The following XRRA1 variants were observed in gnomAD, a reference collection of about 807,000 sequenced individuals.
The protein encoded by XRRA1 is X-ray radiation resistance-associated protein 1.
XRRA1 carries 69 observed loss-of-function variants against 80.2 expected under a neutral mutation model. The observed-to-expected ratio is 0.86, with a 90% CI of 0.71 to 1.05. The LOEUF is 1.05. Among genes scored for constraint, XRRA1 ranks in the 50% least tolerant of loss-of-function variants. The probability of loss-of-function intolerance (pLI) is 0.00; values close to 1 mark genes in which losing one functional copy is unlikely to be tolerated. For missense variants in XRRA1, 967 were observed against 976.4 expected (o/e 0.99, Z 0.13); for synonymous variants, 348 against 389.9 (o/e 0.89, Z 1.27).
intron 10 of XRRA1, among the ~76,000 whole-genome samples, chr11:74,865,165 C>T (rs2043129245): frequency 6.6e-6 from 1 of 151,950 alleles, no homozygotes; most frequent in Non-Finnish European, 1.5e-5. Context: ...AGTGTCAGCC[C>T]TGGCCCCTCC....
intron 6 of XRRA1, among the ~76,000 whole-genome samples, chr11:74,929,052 C>G (rs2139317912): frequency 6.6e-6 from 1 of 152,288 alleles, no homozygotes; most frequent in African/African-American, 2.4e-5. Context: ...ATTTCCAGCC[C>G]AAGCTCCTGA....
rs1198851086 is a variant in XRRA1 at position 74,933,810 on chromosome 11, C to CTGAA, written c.341_342insTTCA (p.Lys114AsnfsTer10). The CTGAA allele has an allele frequency of 6.3e-7, 1 of 1,594,986 alleles. No individual in the cohort carries two copies. The highest frequency in any genetic ancestry group is 8.5e-7 in the Non-Finnish European group (1 of 1,170,364). On this transcript the variant is annotated frameshift_variant, in exon 5 of 19. Transcript: ENST00000684022. LOFTEE classifies it high-confidence loss of function. Reference sequence around the variant, plus strand: ...TGCTGGCTGACCTCACCTTGGAGAACTTCAGGCCACTCACATTAATGGTGC... The same window carrying CTGAA: ...TGCTGGCTGACCTCACCTTGGAGAACTGAATTCAGGCCACTCACATTAATGGTGC...
Position 74,845,222 on chromosome 11 carries a change from T to A in XRRA1, c.1778A>T (p.Lys593Met), listed in dbSNP as rs545255079. 2.5e-6 allele frequency: 4 copies of A among 1,614,004 alleles called. No homozygotes were observed. The South Asian group carries it at 4.4e-5, about 18-fold the overall frequency. ...TGGTGGTTTCTTTTGGTCTTTCTCC[T>A]TTAACTCTAAATCATCCTTATGGAT... ...SVIHKDDLEL[K>M]EKDQKKPPTA... The change falls in exon 16 of 19, where the codon AAG (lysine) becomes ATG (methionine). Residue 593 changes from lysine (K) to methionine (M), a missense_variant. Coordinates refer to ENST00000684022, the MANE Select transcript of XRRA1 (RefSeq NM_001378157.1).
chr11:74,935,549 C>A (rs1171408817), intron 4 of XRRA1, among the ~76,000 whole-genome samples: 1 of 152,122 alleles, frequency 6.6e-6, no homozygotes, highest in Admixed American at 6.6e-5. Context: ...TGTAAAAGTG[C>A]CAGGACTTGG....
intron 13 of XRRA1, among the ~76,000 whole-genome samples, chr11:74,851,445 A>G (rs2039828033): frequency 6.6e-6 from 1 of 152,164 alleles, no homozygotes; most frequent in Non-Finnish European, 1.5e-5. Flanking sequence ...TAATAAAGAT[A>G]GTGTGGAGTG....
At chr11:74,921,528 T>C (rs1940794724) in intron 7 of XRRA1, among the ~76,000 whole-genome samples, 181 bp from the exon 8 acceptor site, 1 of 152,202 alleles carries the variant, frequency 6.6e-6, no homozygotes, top group Admixed American at 6.5e-5. Context: ...CTAGCCTTAG[T>C]TGCCACTACA....
At chr11:74,857,924 T>A (rs757546617) in intron 12 of XRRA1, among the ~76,000 whole-genome samples, 2 of 151,946 alleles carry the variant, frequency 1.3e-5, no homozygotes, top group African/African-American at 4.8e-5. Flanking sequence ...AAAAAGAAAA[T>A]ATATTACAAT....
At chr11:74,880,770 T>C (rs977635910) in intron 10 of XRRA1, among the ~76,000 whole-genome samples, 3 of 151,362 alleles carry the variant, frequency 2.0e-5, no homozygotes, top group African/African-American at 7.3e-5. Flanking sequence ...AGTTGAGCGG[T>C]TTTGAGTGAG....
At chr11:74,929,077 T>G (rs1942922259) in intron 6 of XRRA1, among the ~76,000 whole-genome samples, 2 of 152,180 alleles carry the variant, frequency 1.3e-5, no homozygotes, top group Admixed American at 1.3e-4. Context: ...CCACCCTGTC[T>G]CCTAAAGGGC....
chr11:74,857,545 C>T, intron 12 of XRRA1, among the ~76,000 whole-genome samples: 1 of 152,138 alleles, frequency 6.6e-6, no homozygotes, highest in East Asian at 1.9e-4. Context: ...TAACACACTG[C>T]TCTCAGTGAT....
At chr11:74,912,712 AAAG>A (rs1354210808) in intron 8 of XRRA1, among the ~76,000 whole-genome samples, 3 of 152,238 alleles carry the variant, frequency 2.0e-5, no homozygotes, top group Non-Finnish European at 4.4e-5. Flanking sequence ...TGAGTTGTCC[AAAG>A]AAAGAGCCAT....
intron 10 of XRRA1, among the ~76,000 whole-genome samples, chr11:74,888,653 G>T (rs752892142): frequency 6.6e-6 from 1 of 152,166 alleles, no homozygotes; most frequent in Middle Eastern, 3.2e-3. Flanking sequence ...CCATGGCAAA[G>T]AAGTTAAAAA....
chr11:74,915,540 A>C (rs1938361351), intron 8 of XRRA1, among the ~76,000 whole-genome samples: 1 of 152,046 alleles, frequency 6.6e-6, no homozygotes, highest in African/African-American at 2.4e-5. Flanking sequence ...CCACTGCTGA[A>C]CCCCTAATAT....
intron 7 of XRRA1, among the ~76,000 whole-genome samples, chr11:74,924,763 G>T (rs1279873280): frequency 6.6e-6 from 1 of 152,190 alleles, no homozygotes. Flanking sequence ...AACCCAGGAG[G>T]CGGAGGTTGC....
At chr11:74,859,693 G>C (rs2041919985) in intron 11 of XRRA1, among the ~76,000 whole-genome samples, 1 of 152,066 alleles carries the variant, frequency 6.6e-6, no homozygotes, top group Non-Finnish European at 1.5e-5. Flanking sequence ...GTGTTCTTAA[G>C]GGGAATTTTT....
At chr11:74,884,230 G>A (rs2048458407) in intron 10 of XRRA1, among the ~76,000 whole-genome samples, 2 of 152,072 alleles carry the variant, frequency 1.3e-5, no homozygotes, top group South Asian at 2.1e-4. Context: ...ATAGATAAGC[G>A]AGCTGGAATC....
At chr11:74,851,415 G>C (rs1439542025) in intron 13 of XRRA1, among the ~76,000 whole-genome samples, 1 of 152,120 alleles carries the variant, frequency 6.6e-6, no homozygotes, top group Non-Finnish European at 1.5e-5. Flanking sequence ...GCACAGAGAG[G>C]CTAAGGAATT....
At position 74,841,147 on chromosome 11, in the gene XRRA1, C is replaced by T. The variant is rs1220432023; in HGVS notation, c.*2053G>A. On this transcript the variant is annotated 3_prime_UTR_variant, in exon 19 of 19. Transcript: ENST00000684022. ...ATTTTAATTAAGAATTAAAAGCCAG[C>T]TAGCCAAATTTTCTTTAAAAATTGG... The T allele has an allele frequency of 6.6e-6, 1 of 152,096 alleles. No individual in the cohort carries two copies. The highest frequency in any genetic ancestry group is 1.5e-5 in the Non-Finnish European group (1 of 68,018). The allele number at this position is 152,096 out of a possible 1,614,324, so 9.4% of individuals were successfully genotyped here. A position where few individuals can be genotyped will look rare whatever the true frequency, so the allele number is the denominator to read the frequency against.
At chr11:74,853,009 T>C (rs2040254974) in intron 12 of XRRA1, among the ~76,000 whole-genome samples, 1 of 152,226 alleles carries the variant, frequency 6.6e-6, no homozygotes. Context: ...CTAACTTCTT[T>C]CATTTTTATT....
Sources: allele counts gnomAD v4.1 joint callset (sites outside exome capture counted in the v4.1 genomes callset), GRCh38; gene constraint gnomAD v4.1.1; transcripts MANE v1.5; gene names NCBI Gene and HGNC (gene_info 2026-07-23, HGNC 2026-07-21).